PHF20L1: variants seen among roughly 807,000 people sequenced by gnomAD.
The protein encoded by PHF20L1 is PHD finger protein 20 like 1, also known as PHD finger protein 20-like protein 1.
In PHF20L1, 44 loss-of-function variants were observed where a neutral mutation model predicts 125.5. The observed-to-expected ratio is 0.35, with a 90% CI of 0.28 to 0.45. The LOEUF (loss-of-function observed/expected upper bound fraction) is 0.45, where lower values mean the gene tolerates loss of function less well. Ranked by LOEUF, PHF20L1 falls within the 20% of genes least tolerant of loss-of-function variation. PHF20L1 has a pLI of 1.00. For missense variants in PHF20L1, 1,012 were observed against 1,217.2 expected (o/e 0.83, Z 2.51); for synonymous variants, 380 against 403.1 (o/e 0.94, Z 0.69).
At chr8:132,836,123 A>T (rs1837328958) in intron 15 of PHF20L1, among the ~76,000 whole-genome samples, 1 of 152,124 alleles carries the variant, frequency 6.6e-6, no homozygotes. Context: ...TACTACACAC[A>T]CCTGTCCCCA....
chr8:132,843,680 T>C (rs1587106864), intron 19 of PHF20L1: 2 of 984,926 alleles, frequency 2.0e-6, no homozygotes, highest in African/African-American at 1.7e-5. Context: ...GGTTTTTGCC[T>C]TTCCCTCCCT....
At chr8:132,807,813 C>T in intron 8 of PHF20L1, 1 of 452,166 alleles carries the variant, frequency 2.2e-6, no homozygotes, top group Non-Finnish European at 4.4e-6. Flanking sequence ...ATTTGATATT[C>T]TTCTTTTACC....
chr8:132,810,879 T>C, intron 8 of PHF20L1, 167 bp from the exon 9 acceptor site: 1 of 560,836 alleles, frequency 1.8e-6, no homozygotes, highest in Middle Eastern at 4.8e-4. Context: ...TTCAGTCCCT[T>C]GGCTTATTAT....
intron 9 of PHF20L1, chr8:132,812,244 C>T (rs1834479343): frequency 2.0e-6 from 2 of 982,530 alleles, no homozygotes; most frequent in African/African-American, 1.7e-5. Flanking sequence ...TTTGTATTTT[C>T]ACCACTGTTT....
chr8:132,804,339 T>A (rs1833435124), intron 7 of PHF20L1, among the ~76,000 whole-genome samples: 1 of 151,882 alleles, frequency 6.6e-6, no homozygotes, highest in African/African-American at 2.4e-5. Flanking sequence ...TGTTTTTTCT[T>A]CAACCTTTTA....
At chr8:132,836,401 G>C in intron 15 of PHF20L1, 139 bp from the exon 16 acceptor site, 2 of 615,952 alleles carry the variant, frequency 3.2e-6, no homozygotes, top group Admixed American at 6.1e-5. Flanking sequence ...GACAAGTACA[G>C]TACAGTATTC....
intron 8 of PHF20L1, 21 bp downstream of exon 8, chr8:132,804,761 T>G: frequency 6.3e-7 from 1 of 1,574,916 alleles, no homozygotes. Flanking sequence ...ATGATTTTTT[T>G]TTTGAGGGGG....
chr8:132,816,741 A>G (rs1835032737), intron 10 of PHF20L1, 147 bp from the exon 11 acceptor site: 4 of 564,898 alleles, frequency 7.1e-6, no homozygotes, highest in Middle Eastern at 4.0e-4. Context: ...GCCTTTGATT[A>G]CCTTTGGAAC....
At chr8:132,837,444 GAATTA>G (rs958724999) in intron 16 of PHF20L1, among the ~76,000 whole-genome samples, 2 of 152,088 alleles carry the variant, frequency 1.3e-5, no homozygotes, top group Admixed American at 6.6e-5. Flanking sequence ...ATATCAGTGA[GAATTA>G]AATTAGAGAA....
At chr8:132,790,997 C>A (rs1251183092) in intron 2 of PHF20L1, among the ~76,000 whole-genome samples, 1 of 152,138 alleles carries the variant, frequency 6.6e-6, no homozygotes, top group Non-Finnish European at 1.5e-5. Context: ...GACTTTTGTG[C>A]CACTTAGTCT....
At position 132,799,133 on chromosome 8, in the gene PHF20L1, C is replaced by T. The variant is rs755817701; in HGVS notation, c.468C>T (p.Ile156=). 1.1e-5 allele frequency: 17 copies of T among 1,609,844 alleles called. No homozygotes were observed. The highest frequency in any genetic ancestry group is 2.7e-5 in the African/African-American group (2 of 74,738). Reference sequence around the variant, plus strand: ...ATCCACTAAGCTGGTGTTGTCCTATCGACCCAGCTGGATCGTGTAACCAGT... The same window carrying T: ...ATCCACTAAGCTGGTGTTGTCCTATTGACCCAGCTGGATCGTGTAACCAGT... ...SQHPLSWCCP[I]DPAGSCNQSM... Residue 156 remains isoleucine, a synonymous_variant, in exon 6 of 21, where the codon ATC becomes ATT. Transcript: ENST00000395386.
intron 14 of PHF20L1, among the ~76,000 whole-genome samples, chr8:132,827,580 GCC>G (rs1478596717): frequency 6.6e-6 from 1 of 151,944 alleles, no homozygotes; most frequent in Admixed American, 6.6e-5. Flanking sequence ...ATAAGAAGGG[GCC>G]CACACTTGGT....
At chr8:132,838,877 T>C (rs556075199) in intron 17 of PHF20L1, among the ~76,000 whole-genome samples, 1 of 152,228 alleles carries the variant, frequency 6.6e-6, no homozygotes, top group East Asian at 1.9e-4. Flanking sequence ...TAGTATAGTA[T>C]GGGACACAGG....
Position 132,782,873 on chromosome 8 carries a change from A to G in PHF20L1, c.83+4962A>G, listed in dbSNP as rs548745685. 3.9e-5 allele frequency among the ~76,000 whole-genome samples: 6 copies of G among 151,992 alleles called. No individual in the cohort carries two copies. The South Asian group carries it at 1.0e-3, about 26-fold the overall frequency. On this transcript the variant is annotated intron_variant, in intron 2 of 20. Coordinates refer to ENST00000395386, the MANE Select transcript of PHF20L1 (RefSeq NM_016018.5). ...TTTTCCATCTGTCTTGTTCTTCCAA[A>G]GTTGTAGACAGTCTTTTTGAAGTGA...
intron 6 of PHF20L1, 192 bp downstream of exon 6, chr8:132,799,364 C>G (rs896026364): frequency 4.5e-6 from 2 of 448,254 alleles, no homozygotes; most frequent in East Asian, 6.6e-5. Context: ...AGATAGGGCT[C>G]TCTGAGTCAT....
At chr8:132,795,967 C>G (rs933432670) in intron 4 of PHF20L1, among the ~76,000 whole-genome samples, 1 of 152,076 alleles carries the variant, frequency 6.6e-6, no homozygotes, top group African/African-American at 2.4e-5. Context: ...CCTTTTCAGA[C>G]CGCGGTTGAC....
At position 132,848,100 on chromosome 8, in the gene PHF20L1, T is replaced by C. The variant is rs1025733048; in HGVS notation, c.*2177T>C. The C allele has an allele frequency of 6.6e-6, 1 of 152,086 alleles. No homozygotes were observed. Among genetic ancestry groups the C allele is most frequent in the Non-Finnish European group, 1.5e-5 (1 of 67,958 alleles). 9.4% of individuals were successfully genotyped at this position (152,086 alleles called of 1,614,324 possible). ...CCTTTGTACCTAGTAACATTCATCC[T>C]CTTGATTCCTGGTGAACACGGTTAA... On this transcript the variant is annotated 3_prime_UTR_variant, in exon 21 of 21. Transcript: ENST00000395386.
At chr8:132,839,340 C>T in intron 17 of PHF20L1, 47 bp from the exon 18 acceptor site, 1 of 1,442,022 alleles carries the variant, frequency 6.9e-7, no homozygotes, top group Non-Finnish European at 9.7e-7. Flanking sequence ...GATGAAAAAT[C>T]CGAGTAAGTG....
chr8:132,844,098 C>T (rs1330194967), intron 19 of PHF20L1, 58 bp from the exon 20 acceptor site: 2 of 1,600,066 alleles, frequency 1.2e-6, no homozygotes, highest in Non-Finnish European at 1.7e-6. Flanking sequence ...ATCCTTAACT[C>T]AATGACTGCA....
Sources: allele counts gnomAD v4.1 joint callset (sites outside exome capture counted in the v4.1 genomes callset), GRCh38; gene constraint gnomAD v4.1.1; transcripts MANE v1.5; gene names NCBI Gene and HGNC (gene_info 2026-07-23, HGNC 2026-07-21).